Variants in HS6ST2 observed in about 807,000 individuals in gnomAD.
HS6ST2 encodes the protein heparan sulfate 6-O-sulfotransferase 2, also known as heparan-sulfate 6-O-sulfotransferase 2.
A neutral mutation model predicts 33.0 loss-of-function variants in HS6ST2; 17 were observed. That is an observed-to-expected ratio of 0.52 (90% CI 0.35 to 0.77). The LOEUF is 0.77. HS6ST2 is among the 30% of genes least tolerant of loss of function. HS6ST2 has a pLI of 0.01. For missense variants in HS6ST2, 519 were observed against 551.7 expected, an observed-to-expected ratio of 0.94 and a Z score of 0.59; for synonymous variants, 248 against 237.1, an observed-to-expected ratio of 1.05 and a Z score of -0.42.
At chrX:132,908,053 T>C (rs1235738563) in intron 2 of HS6ST2, among the ~76,000 whole-genome samples, 1 of 112,111 alleles carries the variant, frequency 8.9e-6, no homozygotes, top group Non-Finnish European at 1.9e-5. Context: ...TAAAGAACAA[T>C]TATAACTCAA....
At chrX:132,738,138 T>C (rs2064527117) in intron 2 of HS6ST2, among the ~76,000 whole-genome samples, 1 of 112,675 alleles carries the variant, frequency 8.9e-6, no homozygotes, top group Non-Finnish European at 1.9e-5. Flanking sequence ...TCTGGCTTGT[T>C]CTTCCTTTCC....
intron 2 of HS6ST2, among the ~76,000 whole-genome samples, chrX:132,780,904 G>A (rs2065011776): frequency 9.0e-6 from 1 of 111,667 alleles, no homozygotes; most frequent in Admixed American, 9.5e-5. Context: ...AGGGGATAAG[G>A]TGCCTTTGGG....
intron 2 of HS6ST2, among the ~76,000 whole-genome samples, chrX:132,925,300 C>G (rs1026633695): frequency 2.7e-5 from 3 of 111,339 alleles, no homozygotes; most frequent in Non-Finnish European, 5.7e-5. Flanking sequence ...TTATTGTATC[C>G]TTTCTTAAAT....
At chrX:132,690,558 T>G (rs1385698856) in intron 3 of HS6ST2, among the ~76,000 whole-genome samples, 2 of 112,139 alleles carry the variant, frequency 1.8e-5, no homozygotes, top group Non-Finnish European at 3.8e-5. Context: ...TCTCTTTATC[T>G]TCTTCTGTTT....
At chrX:132,883,178 G>C (rs2066201009) in intron 2 of HS6ST2, among the ~76,000 whole-genome samples, 1 of 111,363 alleles carries the variant, frequency 9.0e-6, no homozygotes, top group Admixed American at 9.6e-5. Flanking sequence ...TTTTTCTACT[G>C]ATTGGAATAG....
At chrX:132,878,129 G>T (rs1024114506) in intron 2 of HS6ST2, among the ~76,000 whole-genome samples, 4 of 112,084 alleles carry the variant, frequency 3.6e-5, no homozygotes, top group Non-Finnish European at 7.5e-5. Context: ...CTCATGACTA[G>T]GAAGAATTAG....
chrX:132,757,335 G>A (rs1000431255), intron 2 of HS6ST2, among the ~76,000 whole-genome samples: 1 of 111,899 alleles, frequency 8.9e-6, no homozygotes, highest in Non-Finnish European at 1.9e-5. Context: ...GTTGCTAAAG[G>A]ATTTCACAAA....
rs191939250 is a variant in HS6ST2, at chrX:132,782,577, T to A, written c.948-74083A>T. ...ATCCTGCAAAGGGGGTTGAATGGGG[T>A]GGTGGTTAGGAGAAATGCTGGATTC... is the stretch of plus-strand genomic sequence containing the variant. On this transcript the variant is annotated intron_variant, in intron 2 of 4. Coordinates refer to ENST00000370833, the MANE Select transcript of HS6ST2 (RefSeq NM_001394073.1). 7.7e-3 allele frequency among the ~76,000 whole-genome samples: 846 copies of A among 110,569 alleles called. 6 individuals carry two copies. Among genetic ancestry groups the A allele is most frequent in the Non-Finnish European group, 0.013 (681 of 52,808 alleles).
At chrX:132,869,642 A>C (rs1034254842) in intron 2 of HS6ST2, among the ~76,000 whole-genome samples, 1 of 112,208 alleles carries the variant, frequency 8.9e-6, no homozygotes, top group Non-Finnish European at 1.9e-5. Context: ...AATCCATCAC[A>C]AAAAGAGAAC....
intron 2 of HS6ST2, among the ~76,000 whole-genome samples, chrX:132,949,128 G>T (rs764717735): frequency 4.5e-5 from 5 of 110,850 alleles, no homozygotes; most frequent in Non-Finnish European, 9.4e-5. Context: ...TCTGCTGGAC[G>T]AGAGCAACAC....
chrX:132,825,300 G>C, intron 2 of HS6ST2, among the ~76,000 whole-genome samples: 1 of 111,973 alleles, frequency 8.9e-6, no homozygotes, highest in Non-Finnish European at 1.9e-5. Flanking sequence ...AAAGACCTGA[G>C]TCAGTGACTT....
intron 2 of HS6ST2, among the ~76,000 whole-genome samples, chrX:132,818,762 T>C: frequency 8.9e-6 from 1 of 112,172 alleles, no homozygotes; most frequent in East Asian, 2.8e-4. Context: ...AATAGGTAGG[T>C]GTGACCAATT....
At chrX:132,746,804 A>G (rs980498597) in intron 2 of HS6ST2, among the ~76,000 whole-genome samples, 4 of 111,936 alleles carry the variant, frequency 3.6e-5, no homozygotes, top group Admixed American at 2.8e-4. Context: ...AGGTGGGCCT[A>G]TGGCAGACAT....
intron 3 of HS6ST2, among the ~76,000 whole-genome samples, chrX:132,699,348 A>G (rs1273579660): frequency 1.8e-5 from 2 of 111,753 alleles, no homozygotes; most frequent in Non-Finnish European, 3.8e-5. Flanking sequence ...TGTTTTATTT[A>G]TACATATTTT....
intron 2 of HS6ST2, among the ~76,000 whole-genome samples, chrX:132,782,742 A>T (rs1432301364): frequency 9.0e-6 from 1 of 111,353 alleles, no homozygotes; most frequent in Non-Finnish European, 1.9e-5. Context: ...GAGCTGGTAC[A>T]CCTATGAAAA....
intron 2 of HS6ST2, among the ~76,000 whole-genome samples, chrX:132,769,004 C>T (rs1374676550): frequency 8.9e-6 from 1 of 112,505 alleles, no homozygotes; most frequent in African/African-American, 3.2e-5. Flanking sequence ...TCTGTAATAA[C>T]ATTTCCACCT....
In HS6ST2 at chrX:132,958,174, C is replaced by T; in HGVS notation, c.428+1G>A. The T allele has an allele frequency of 3.5e-6, 4 of 1,138,406 alleles. No individual in the cohort carries two copies. The highest frequency in any genetic ancestry group is 5.5e-5 in the Admixed American group (2 of 36,605). The allele number at this position is 1,138,406 out of a possible 1,213,427, so 93.8% of individuals were successfully genotyped here. On this transcript the variant is annotated splice_donor_variant, in intron 1 of 4. Transcript: ENST00000370833. LOFTEE classifies it high-confidence loss of function. Reference sequence around the variant, plus strand: ...GAACCCCGCTTTCACCTAGAACGTACCTGGCCATGGGGCCGAAAATCTTGG... The same window carrying T: ...GAACCCCGCTTTCACCTAGAACGTATCTGGCCATGGGGCCGAAAATCTTGG...
intron 3 of HS6ST2, among the ~76,000 whole-genome samples, chrX:132,682,951 A>G (rs1021820630): frequency 9.1e-6 from 1 of 109,906 alleles, no homozygotes; most frequent in African/African-American, 3.3e-5. Flanking sequence ...AAATAATAAT[A>G]ATAATAATTA....
chrX:132,942,140 G>C (rs143237646), intron 2 of HS6ST2, among the ~76,000 whole-genome samples: 1,257 of 111,101 alleles, frequency 0.011, 8 homozygotes, highest in South Asian at 0.053. Context: ...AACATACTGT[G>C]CCACTTTCAG....
Sources: gnomAD v4.1 joint callset for allele counts (sites outside exome capture counted in the v4.1 genomes callset) on GRCh38, gnomAD v4.1.1 for gene constraint, MANE v1.5 for transcripts, NCBI Gene and HGNC (gene_info 2026-07-23, HGNC 2026-07-21) for gene names.